Variants in GLRA1 observed in about 807,000 individuals in gnomAD.
GLRA1 encodes the protein glycine receptor subunit alpha-1.
GLRA1 carries 37 observed loss-of-function variants against 48.3 expected under a neutral mutation model. The ratio of observed to expected loss-of-function variants is 0.77; its 90% confidence interval spans 0.59 to 1.01. GLRA1 has a LOEUF of 1.01. GLRA1 is among the 50% of genes least tolerant of loss of function. The pLI is 0.00. For synonymous variants in GLRA1, 196 were observed against 210.7 expected (o/e 0.93, Z 0.60); for missense variants, 427 against 571.0 (o/e 0.75, Z 2.57).
chr5:151,879,325 C>CTAACT, intron 3 of GLRA1, among the ~76,000 whole-genome samples: 2 of 102,276 alleles, frequency 2.0e-5, no homozygotes, highest in African/African-American at 7.3e-5. Flanking sequence ...AAGTAACTAA[C>CTAACT]TTCCTTTTTT....
chr5:151,874,670 A>G (rs1341294155), intron 3 of GLRA1, among the ~76,000 whole-genome samples: 1 of 152,128 alleles, frequency 6.6e-6, no homozygotes. Context: ...ATAATAGAAC[A>G]TGGTGATGTG....
intron 7 of GLRA1, among the ~76,000 whole-genome samples, chr5:151,844,215 T>C (rs569370264): frequency 6.6e-6 from 1 of 150,776 alleles, no homozygotes. Flanking sequence ...ATCACATATA[T>C]AAATAAATCT....
intron 8 of GLRA1, among the ~76,000 whole-genome samples, chr5:151,825,820 G>T (rs1479014701): frequency 6.6e-6 from 1 of 152,190 alleles, no homozygotes; most frequent in African/African-American, 2.4e-5. Flanking sequence ...AGAAATTCAG[G>T]CATGTAGCTA....
chr5:151,876,110 CT>C (rs1184218001), intron 3 of GLRA1, among the ~76,000 whole-genome samples: 1 of 152,206 alleles, frequency 6.6e-6, no homozygotes, highest in African/African-American at 2.4e-5. Flanking sequence ...TTCATGCTGT[CT>C]TTGTTTCAAT....
intron 3 of GLRA1, among the ~76,000 whole-genome samples, chr5:151,869,831 G>A (rs74294719): frequency 4.3e-4 from 65 of 149,900 alleles, no homozygotes; most frequent in East Asian, 4.2e-3. Flanking sequence ...AAAATTTAGA[G>A]TGGTTAAATG....
intron 7 of GLRA1, among the ~76,000 whole-genome samples, chr5:151,849,431 C>CTTTCA (rs1752823455): frequency 1.0e-4 from 2 of 19,748 alleles, no homozygotes; most frequent in Non-Finnish European, 1.8e-4. Flanking sequence ...CTTTCCTTTC[C>CTTTCA]TTTCCTTTCC....
intron 3 of GLRA1, among the ~76,000 whole-genome samples, chr5:151,865,677 C>T (rs999072989): frequency 1.3e-5 from 2 of 152,124 alleles, no homozygotes; most frequent in East Asian, 1.9e-4. Context: ...ATGTTTTAGA[C>T]GTACATCATC....
intron 3 of GLRA1, among the ~76,000 whole-genome samples, chr5:151,862,488 A>C (rs560628266): frequency 6.6e-6 from 1 of 152,326 alleles, no homozygotes; most frequent in South Asian, 2.1e-4. Flanking sequence ...TGAACAGGCA[A>C]CCTACAGAAT....
At chr5:151,853,708 A>G (rs1215128098) in intron 6 of GLRA1, among the ~76,000 whole-genome samples, 2 of 152,054 alleles carry the variant, frequency 1.3e-5, no homozygotes, top group Admixed American at 1.3e-4. Context: ...TTTAATATTT[A>G]TGAAGTCAAA....
In GLRA1 at chr5:151,919,849, G is replaced by C. The variant is rs192290024; in HGVS notation, c.56+4645C>G. Among the ~76,000 whole-genome samples the C allele has an allele frequency of 1.0e-3, 159 of 152,334 alleles. 1 individual carries two copies. Among genetic ancestry groups the C allele is most frequent in the Admixed American group, 9.2e-3 (140 of 15,300 alleles). On this transcript the variant is annotated intron_variant, in intron 1 of 8. Coordinates refer to ENST00000274576, the MANE Select transcript of GLRA1 (RefSeq NM_000171.4). The stretch of plus-strand genomic sequence containing the variant: ...CTGCAGAATAGTTTCAAGATGGCCA[G>C]GCAGGGAGACTGTGCCATCCATCTT...
At chr5:151,850,607 T>C in intron 7 of GLRA1, 1 of 1,474,940 alleles carries the variant, frequency 6.8e-7, no homozygotes, top group Non-Finnish European at 9.5e-7. Flanking sequence ...CATCAACGAC[T>C]TTTCTGCTGG....
chr5:151,903,574 G>A (rs75248501), intron 1 of GLRA1, among the ~76,000 whole-genome samples: 1,562 of 152,210 alleles, frequency 0.01, 31 homozygotes, highest in African/African-American at 0.036. Flanking sequence ...TAGTAGAGTC[G>A]TAGAATTACG....
rs2113343212 is a variant in GLRA1, at chr5:151,851,378, A to AGAG, written c.912+11_912+12insCTC. 1.9e-6 allele frequency: 3 copies of AGAG among 1,590,626 alleles called. No homozygotes were observed. Among genetic ancestry groups the AGAG allele is most frequent in the Non-Finnish European group, 2.6e-6 (3 of 1,159,758 alleles). ...GTCCAGGTGTTCTGTGCTCTTGGGC[A>AGAG]ATGGGACTTACCTTGGGCAGAGATG... is the stretch of plus-strand genomic sequence containing the variant. On this transcript the variant is annotated intron_variant, in intron 7 of 8. Coordinates refer to ENST00000274576, the MANE Select transcript of GLRA1 (RefSeq NM_000171.4).
chr5:151,849,497 T>TTTC (rs1554083283), intron 7 of GLRA1, among the ~76,000 whole-genome samples: 3 of 89,100 alleles, frequency 3.4e-5, no homozygotes, highest in Non-Finnish European at 6.4e-5. Flanking sequence ...CCTTCCTTTC[T>TTTC]TTTCTTTCTT....
intron 7 of GLRA1, among the ~76,000 whole-genome samples, chr5:151,841,287 A>C (rs75022334): frequency 0.049 from 7,401 of 152,196 alleles, 624 homozygotes; most frequent in African/African-American, 0.17. Context: ...TATATTAAGG[A>C]ATACTCTGAG....
Position 151,829,017 on chromosome 5 carries a change from A to G in GLRA1, c.963T>C (p.Phe321=), listed in dbSNP as rs1314066107. 1 of 1,614,138 alleles carries G rather than the reference A, an allele frequency of 6.2e-7. No homozygotes were observed. Among genetic ancestry groups the G allele is most frequent in the East Asian group, 2.2e-5 (1 of 44,890 alleles). The change falls in exon 8 of 9, where the codon TTT becomes TTC. Residue 321 remains phenylalanine (F), a synonymous_variant. Transcript: ENST00000274576. ...CATATTCTAATAGGGCTGAGAACAC[A>G]AAGAGCAGGCAAACTGCCATCCAAA... ...IDIWMAVCLL[F]VFSALLEYAA...
Position 151,924,588 on chromosome 5 carries a change from G to C in GLRA1, c.-39C>G. On this transcript the variant is annotated 5_prime_UTR_variant, in exon 1 of 9. Coordinates refer to ENST00000274576, the MANE Select transcript of GLRA1 (RefSeq NM_000171.4). ...GTGCTTTGTAGTCCACGAGTTATGGGGGCAAAAATGTTTCAAATTGGCACT... is the reference window on the plus strand; with the variant it reads ...GTGCTTTGTAGTCCACGAGTTATGGCGGCAAAAATGTTTCAAATTGGCACT... 4 of 1,291,550 alleles carry C rather than the reference G, an allele frequency of 3.1e-6. No homozygotes were observed. The highest frequency in any genetic ancestry group is 4.5e-6 in the Non-Finnish European group (4 of 885,120). 80.0% of individuals were successfully genotyped at this position (1,291,550 alleles called of 1,614,324 possible).
intron 1 of GLRA1, among the ~76,000 whole-genome samples, chr5:151,910,499 C>A (rs1223484728): frequency 1.3e-5 from 2 of 152,130 alleles, no homozygotes; most frequent in East Asian, 3.9e-4. Context: ...AAAATGGGAT[C>A]CTACTGTACA....
In GLRA1 at chr5:151,870,516, C is replaced by T. The variant is rs188201991; in HGVS notation, c.253-10508G>A. Among the ~76,000 whole-genome samples the T allele has an allele frequency of 1.6e-3, 233 of 149,936 alleles. 30 individuals carry two copies. Among genetic ancestry groups the T allele is most frequent in the African/African-American group, 5.4e-3 (211 of 39,292 alleles). ...AATGATCTATGTGTAATCTCAATGA[C>T]TTAGGATGGGCATGTGCTTGTAATG... is the stretch of plus-strand genomic sequence containing the variant. On this transcript the variant is annotated intron_variant, in intron 3 of 8. Transcript: ENST00000274576.
Sources: allele counts gnomAD v4.1 joint callset (sites outside exome capture counted in the v4.1 genomes callset), GRCh38; gene constraint gnomAD v4.1.1; transcripts MANE v1.5; gene names NCBI Gene and HGNC (gene_info 2026-07-23, HGNC 2026-07-21).